The following SCLT1 variants were observed in gnomAD, a reference collection of about 807,000 sequenced individuals.
SCLT1 encodes sodium channel and clathrin linker 1, also known as sodium channel-associated protein 1.
In SCLT1, 78 loss-of-function variants were observed where a neutral mutation model predicts 112.8. The observed-to-expected ratio is 0.69, with a 90% confidence interval of 0.58 to 0.83. The LOEUF (loss-of-function observed/expected upper bound fraction) is 0.83. Ranked by LOEUF, SCLT1 falls within the 40% of genes least tolerant of loss-of-function variation. The pLI is 0.00. For synonymous variants in SCLT1, 257 were observed against 254.7 expected, an observed-to-expected ratio of 1.01 and a Z score of -0.09; for missense variants, 747 against 770.4, an observed-to-expected ratio of 0.97 and a Z score of 0.36.
chr4:128,942,225 A>C (rs1737758037), intron 17 of SCLT1, among the ~76,000 whole-genome samples: 2 of 152,060 alleles, frequency 1.3e-5, no homozygotes, highest in Admixed American at 1.3e-4. Flanking sequence ...GCATTCAATA[A>C]ATTTATGTTG....
chr4:129,001,247 G>T (rs531985462), intron 6 of SCLT1, among the ~76,000 whole-genome samples: 1 of 148,868 alleles, frequency 6.7e-6, no homozygotes, highest in Non-Finnish European at 1.5e-5. Context: ...GTTCTTAAAG[G>T]ATCAGCATCA....
intron 4 of SCLT1, chr4:129,039,934 A>C: frequency 2.2e-6 from 1 of 449,388 alleles, no homozygotes; most frequent in Non-Finnish European, 4.1e-6. Context: ...ACACACACAA[A>C]ACCCTGAATT....
rs551661256 is a variant in SCLT1, at chr4:129,005,324, AT to A, written c.291-1449del. Among the ~76,000 whole-genome samples the A allele has an allele frequency of 1.4e-4, 21 of 152,324 alleles. No homozygotes were observed. In the South Asian group the frequency reaches 4.3e-3, roughly 32 times the overall value. ...ATGAAATGAAAAAATAGTAAAATTA[AT>A]ATTTAGTACACTGTACTTTAAAATA... On this transcript the variant is annotated intron_variant, in intron 5 of 20. Transcript: ENST00000281142.
chr4:128,896,616 C>T (rs1733779811), intron 18 of SCLT1, among the ~76,000 whole-genome samples: 1 of 152,148 alleles, frequency 6.6e-6, no homozygotes, highest in Non-Finnish European at 1.5e-5. Context: ...AATCAGAGTG[C>T]CTCTTCTCCT....
intron 7 of SCLT1, among the ~76,000 whole-genome samples, chr4:128,998,721 T>C (rs569714271): frequency 9.2e-5 from 14 of 151,978 alleles, no homozygotes; most frequent in African/African-American, 3.1e-4. Context: ...ATTGATTACA[T>C]GTGGACTTTT....
intron 6 of SCLT1, among the ~76,000 whole-genome samples, chr4:129,000,439 G>C (rs1413238910): frequency 1.3e-5 from 2 of 151,794 alleles, no homozygotes; most frequent in Admixed American, 6.6e-5. Context: ...ACTATTGTTT[G>C]CATACAGTAT....
At chr4:129,083,560 A>T (rs1412897805) in intron 1 of SCLT1, among the ~76,000 whole-genome samples, 1 of 152,112 alleles carries the variant, frequency 6.6e-6, no homozygotes, top group Non-Finnish European at 1.5e-5. Flanking sequence ...GGGAGGCCAA[A>T]GTAGGAGAAT....
At chr4:128,970,303 T>TA in intron 10 of SCLT1, 75 bp downstream of exon 10, 1 of 818,198 alleles carries the variant, frequency 1.2e-6, no homozygotes, top group Non-Finnish European at 2.1e-6. Flanking sequence ...CTTTAACACC[T>TA]AATCCAAAAT....
chr4:128,923,944 G>A (rs879716101), intron 18 of SCLT1, among the ~76,000 whole-genome samples: 1 of 151,874 alleles, frequency 6.6e-6, no homozygotes, highest in East Asian at 1.9e-4. Context: ...AAGTATCTGG[G>A]ACTTTAGGCA....
At chr4:129,047,591 T>G (rs775059994) in intron 2 of SCLT1, among the ~76,000 whole-genome samples, 1 of 152,154 alleles carries the variant, frequency 6.6e-6, no homozygotes, top group Non-Finnish European at 1.5e-5. Flanking sequence ...TAAACTAATG[T>G]ACATTTCTAC....
intron 8 of SCLT1, among the ~76,000 whole-genome samples, chr4:128,994,676 GTTGTC>G (rs1390514597): frequency 6.6e-6 from 1 of 152,040 alleles, no homozygotes; most frequent in Non-Finnish European, 1.5e-5. Flanking sequence ...TTCAACACGT[GTTGTC>G]TTTTTTGTTT....
intron 1 of SCLT1, among the ~76,000 whole-genome samples, chr4:129,091,016 C>T (rs764191915): frequency 9.2e-5 from 14 of 152,112 alleles, no homozygotes; most frequent in Non-Finnish European, 8.8e-5. Context: ...GCTCCCAAAT[C>T]CAAACGGAAC....
chr4:128,983,762 CT>C (rs898916679), intron 9 of SCLT1, among the ~76,000 whole-genome samples: 3 of 152,050 alleles, frequency 2.0e-5, no homozygotes, highest in South Asian at 2.1e-4. Context: ...ATGATTTTAA[CT>C]TTTTTGCACC....
At chr4:129,002,066 T>TA (rs1201500574) in intron 6 of SCLT1, among the ~76,000 whole-genome samples, 1 of 152,032 alleles carries the variant, frequency 6.6e-6, no homozygotes, top group Non-Finnish European at 1.5e-5. Context: ...CTTTCTGACT[T>TA]ACCTAAAATA....
At chr4:128,895,966 G>T (rs2125928389) in intron 18 of SCLT1, among the ~76,000 whole-genome samples, 1 of 152,334 alleles carries the variant, frequency 6.6e-6, no homozygotes, top group South Asian at 2.1e-4. Flanking sequence ...AGATCAAACT[G>T]CAAGGCGGCA....
At chr4:128,925,737 A>G (rs1736243732) in intron 18 of SCLT1, among the ~76,000 whole-genome samples, 1 of 151,912 alleles carries the variant, frequency 6.6e-6, no homozygotes, top group African/African-American at 2.4e-5. Context: ...CTCTGTGCAT[A>G]ATTTTTCTTT....
At chr4:128,946,825 T>A (rs1489808232) in intron 15 of SCLT1, among the ~76,000 whole-genome samples, 1 of 152,182 alleles carries the variant, frequency 6.6e-6, no homozygotes, top group Admixed American at 6.5e-5. Flanking sequence ...GACAATGATC[T>A]AGCTAGGATG....
At chr4:128,981,239 A>C (rs1560923373) in intron 9 of SCLT1, among the ~76,000 whole-genome samples, 1 of 152,188 alleles carries the variant, frequency 6.6e-6, no homozygotes, top group Non-Finnish European at 1.5e-5. Flanking sequence ...CTCTTTGTCC[A>C]TTCCTGGGCA....
intron 2 of SCLT1, among the ~76,000 whole-genome samples, chr4:129,051,934 G>A (rs2125712924): frequency 6.6e-6 from 1 of 152,138 alleles, no homozygotes; most frequent in South Asian, 2.1e-4. Context: ...TTTTAGCATG[G>A]AGGCCTGTTG....
Sources: allele counts gnomAD v4.1 joint callset (sites outside exome capture counted in the v4.1 genomes callset), GRCh38; gene constraint gnomAD v4.1.1; transcripts MANE v1.5; gene names NCBI Gene and HGNC (gene_info 2026-07-23, HGNC 2026-07-21).